Variants in SLC24A3 observed in about 807,000 individuals in gnomAD.
SLC24A3 encodes the protein sodium/potassium/calcium exchanger 3.
In SLC24A3, 28 loss-of-function variants were observed where a neutral mutation model predicts 75.8. That is an observed-to-expected ratio of 0.37 (90% CI 0.27 to 0.51). The LOEUF (loss-of-function observed/expected upper bound fraction) is 0.51. Among genes scored for constraint, SLC24A3 ranks in the 20% least tolerant of loss-of-function variants. SLC24A3 has a pLI of 0.94. For synonymous variants in SLC24A3, 372 were observed against 334.1 expected (o/e 1.11, Z -1.24); for missense variants, 663 against 847.8 (o/e 0.78, Z 2.71).
intron 6 of SLC24A3, among the ~76,000 whole-genome samples, chr20:19,648,492 T>G (rs575553579): frequency 3.3e-4 from 49 of 148,264 alleles, no homozygotes; most frequent in African/African-American, 1.2e-3. Flanking sequence ...TCGAGAATAT[T>G]TGTGCCTTTT....
Position 19,658,340 on chromosome 20 carries a change from G to A in SLC24A3, c.687+4204G>A, listed in dbSNP as rs1568687746. Among the ~76,000 whole-genome samples, 5 of 152,182 alleles carry A rather than the reference G, an allele frequency of 3.3e-5. No individual in the cohort carries two copies. In the South Asian group the frequency reaches 1.0e-3, roughly 32 times the overall value. ...GCTGAAATGTCAGCTGATGCGGGCG[G>A]GGCATGCCGAGGTGGACAACCAAAA... On this transcript the variant is annotated intron_variant, in intron 7 of 16. Transcript: ENST00000328041.
At chr20:19,234,314 A>G (rs907121103) in intron 1 of SLC24A3, among the ~76,000 whole-genome samples, 8 of 152,252 alleles carry the variant, frequency 5.3e-5, no homozygotes, top group African/African-American at 1.4e-4. Flanking sequence ...AAGTTTGCTT[A>G]ACGAAGTTGG....
chr20:19,320,405 T>G lies in SLC24A3; in HGVS notation c.271+39318T>G, dbSNP rs547331108. ...TCTGGAGCTCTTGGGTTTGGGCATC[T>G]GCTCATTTTTCTGGGACAGATGTTG... On this transcript the variant is annotated intron_variant, in intron 2 of 16. Transcript: ENST00000328041. 2.0e-5 allele frequency among the ~76,000 whole-genome samples: 3 copies of G among 152,260 alleles called. No homozygotes were observed. In the South Asian group the frequency reaches 6.2e-4, roughly 32 times the overall value.
intron 6 of SLC24A3, among the ~76,000 whole-genome samples, chr20:19,636,732 C>CACT (rs1235861408): frequency 1.3e-5 from 2 of 152,162 alleles, no homozygotes; most frequent in Non-Finnish European, 2.9e-5. Flanking sequence ...GCTGCCACAT[C>CACT]ACTCATCCTG....
intron 1 of SLC24A3, among the ~76,000 whole-genome samples, chr20:19,252,450 C>T (rs991789587): frequency 9.2e-5 from 14 of 152,214 alleles, no homozygotes; most frequent in South Asian, 6.2e-4. Context: ...ATGGTGGTGA[C>T]GGAGTAGCAA....
At chr20:19,636,721 A>T (rs1203220611) in intron 6 of SLC24A3, among the ~76,000 whole-genome samples, 2 of 152,094 alleles carry the variant, frequency 1.3e-5, no homozygotes, top group Non-Finnish European at 2.9e-5. Flanking sequence ...CACTCACACT[A>T]GCTGCCACAT....
At chr20:19,378,968 G>A (rs1018319700) in intron 2 of SLC24A3, among the ~76,000 whole-genome samples, 7 of 151,904 alleles carry the variant, frequency 4.6e-5, no homozygotes, top group Non-Finnish European at 7.4e-5. Context: ...ACCTAACTGG[G>A]GAGTTTTAAA....
chr20:19,446,631 T>C (rs1302609491), intron 2 of SLC24A3, among the ~76,000 whole-genome samples: 2 of 152,218 alleles, frequency 1.3e-5, no homozygotes, highest in East Asian at 3.9e-4. Context: ...CCTTGACTCA[T>C]TCTTCCAGAA....
intron 6 of SLC24A3, among the ~76,000 whole-genome samples, chr20:19,636,000 C>T (rs572668669): frequency 7.9e-5 from 12 of 152,098 alleles, no homozygotes; most frequent in Non-Finnish European, 1.6e-4. Flanking sequence ...ATTAGCCAGG[C>T]GTGGTGGCGG....
intron 1 of SLC24A3, among the ~76,000 whole-genome samples, chr20:19,268,210 C>G (rs1024138316): frequency 1.3e-5 from 2 of 152,214 alleles, no homozygotes; most frequent in Non-Finnish European, 2.9e-5. Flanking sequence ...CTGTGGGCAA[C>G]AGGTGCACTT....
intron 11 of SLC24A3, 98 bp downstream of exon 11, chr20:19,684,434 A>C: frequency 1.5e-6 from 2 of 1,347,676 alleles, no homozygotes; most frequent in Non-Finnish European, 2.0e-6. Flanking sequence ...CACCTAACTC[A>C]AAGTTTAACA....
At position 19,212,748 on chromosome 20, in the gene SLC24A3, T is replaced by C; in HGVS notation, c.-95T>C. ...GAGCGCAGCGAGGACGCGCGGCTGC[T>C]GCGCGCAGGGCTGCCTCCTGCCGCT... On this transcript the variant is annotated 5_prime_UTR_variant, in exon 1 of 17. Coordinates refer to ENST00000328041, the MANE Select transcript of SLC24A3 (RefSeq NM_020689.4). 1 of 939,754 alleles carries C rather than the reference T, an allele frequency of 1.1e-6. No homozygotes were observed. The highest frequency in any genetic ancestry group is 1.3e-6 in the Non-Finnish European group (1 of 791,310). The allele number at this position is 939,754 out of a possible 1,614,324, so 58.2% of individuals were successfully genotyped here.
intron 2 of SLC24A3, among the ~76,000 whole-genome samples, chr20:19,451,788 T>C (rs1174980253): frequency 6.6e-6 from 1 of 152,214 alleles, no homozygotes; most frequent in Non-Finnish European, 1.5e-5. Flanking sequence ...ATGCCTGCCT[T>C]GGGAGTGCAC....
intron 2 of SLC24A3, among the ~76,000 whole-genome samples, chr20:19,346,669 A>G (rs577111607): frequency 1.8e-4 from 28 of 152,170 alleles, no homozygotes; most frequent in Non-Finnish European, 3.5e-4. Flanking sequence ...AGAATGATAC[A>G]TTGGACTTTG....
intron 1 of SLC24A3, among the ~76,000 whole-genome samples, chr20:19,248,792 A>G (rs554481389): frequency 3.3e-5 from 5 of 152,122 alleles, no homozygotes; most frequent in Non-Finnish European, 7.4e-5. Flanking sequence ...GGTGGTGTAT[A>G]TATACAATGG....
chr20:19,463,072 T>C (rs1255167478), intron 2 of SLC24A3, among the ~76,000 whole-genome samples: 1 of 152,246 alleles, frequency 6.6e-6, no homozygotes, highest in Non-Finnish European at 1.5e-5. Context: ...TAAGTTTCTT[T>C]GTTCAGTTAG....
Position 19,402,167 on chromosome 20 carries a change from A to C in SLC24A3, c.272-113321A>C, listed in dbSNP as rs1300811809. Among the ~76,000 whole-genome samples the C allele has an allele frequency of 6.6e-5, 10 of 152,344 alleles. No individual in the cohort carries two copies. The East Asian group carries it at 1.7e-3, about 26-fold the overall frequency. On this transcript the variant is annotated intron_variant, in intron 2 of 16. Transcript: ENST00000328041. ...GAGGAAAGAAAGAATTACTGCTCTGAAGCTCTAATCTAAAGATTAGACAGA... is the reference window on the plus strand; with the variant it reads ...GAGGAAAGAAAGAATTACTGCTCTGCAGCTCTAATCTAAAGATTAGACAGA...
At chr20:19,597,738 C>T (rs1476932597) in intron 6 of SLC24A3, among the ~76,000 whole-genome samples, 1 of 152,202 alleles carries the variant, frequency 6.6e-6, no homozygotes, top group Non-Finnish European at 1.5e-5. Flanking sequence ...CCACACCCTG[C>T]CCAGTTGCTG....
At chr20:19,681,749 G>A (rs1429924480) in intron 9 of SLC24A3, 109 bp from the exon 10 acceptor site, 1 of 1,556,438 alleles carries the variant, frequency 6.4e-7, no homozygotes, top group Non-Finnish European at 8.8e-7. Flanking sequence ...CTTGAGGCCT[G>A]GTGACTGTGC....
Sources: allele counts gnomAD v4.1 joint callset (sites outside exome capture counted in the v4.1 genomes callset), GRCh38; gene constraint gnomAD v4.1.1; transcripts MANE v1.5; gene names NCBI Gene and HGNC (gene_info 2026-07-23, HGNC 2026-07-21).